GAB1: variants seen among roughly 807,000 people sequenced by gnomAD.
GAB1 encodes GRB2-associated-binding protein 1.
A neutral mutation model predicts 66.5 loss-of-function variants in GAB1; 19 were observed. That is an observed-to-expected ratio of 0.29 (90% CI 0.20 to 0.42). GAB1 has a LOEUF of 0.42. Ranked by LOEUF, GAB1 falls within the 10% of genes least tolerant of loss-of-function variation. The pLI, the probability that GAB1 is intolerant of heterozygous loss-of-function variation, is 1.00. For synonymous variants in GAB1, 294 were observed against 301.4 expected, an observed-to-expected ratio of 0.98 and a Z score of 0.25; for missense variants, 732 against 858.5, an observed-to-expected ratio of 0.85 and a Z score of 1.84.
intron 1 of GAB1, among the ~76,000 whole-genome samples, chr4:143,338,126 T>C (rs1024387031): frequency 2.6e-5 from 4 of 152,214 alleles, no homozygotes; most frequent in Non-Finnish European, 5.9e-5. Context: ...AGGAAAAATA[T>C]TCCTTGAAAG....
intron 1 of GAB1, among the ~76,000 whole-genome samples, chr4:143,407,107 G>T (rs1383076952): frequency 1.3e-5 from 2 of 152,084 alleles, no homozygotes; most frequent in African/African-American, 4.8e-5. Context: ...GTTAACAGGG[G>T]TCCTGTGAAA....
At chr4:143,341,448 C>T (rs1728820262) in intron 1 of GAB1, among the ~76,000 whole-genome samples, 2 of 152,212 alleles carry the variant, frequency 1.3e-5, no homozygotes, top group Non-Finnish European at 2.9e-5. Flanking sequence ...GAGGAGCTTC[C>T]TTGCCTGAAG....
At chr4:143,444,535 T>G (rs1367322483) in intron 6 of GAB1, among the ~76,000 whole-genome samples, 1 of 152,190 alleles carries the variant, frequency 6.6e-6, no homozygotes, top group Admixed American at 6.5e-5. Flanking sequence ...GCTCTAAACA[T>G]TTTTTCAAGA....
chr4:143,459,617 CA>C, intron 7 of GAB1, 139 bp downstream of exon 7: 1 of 656,224 alleles, frequency 1.5e-6, no homozygotes. Flanking sequence ...TCTGTGAAGT[CA>C]AAACCATTTT....
intron 1 of GAB1, among the ~76,000 whole-genome samples, chr4:143,411,191 A>G (rs1445976096): frequency 3.9e-5 from 6 of 152,084 alleles, no homozygotes; most frequent in African/African-American, 1.4e-4. Flanking sequence ...ACCCTGCCAG[A>G]GTTTGGGTTT....
At chr4:143,426,274 T>G (rs753538766) in intron 2 of GAB1, among the ~76,000 whole-genome samples, 7 of 152,206 alleles carry the variant, frequency 4.6e-5, no homozygotes, top group Non-Finnish European at 1.0e-4. Flanking sequence ...TAATTTCTTC[T>G]GACTTGACAC....
At chr4:143,447,796 T>C (rs568106397) in intron 6 of GAB1, among the ~76,000 whole-genome samples, 27 of 152,222 alleles carry the variant, frequency 1.8e-4, no homozygotes, top group African/African-American at 5.3e-4. Context: ...TCCTGCCTAA[T>C]TGCCCTGGCC....
Position 143,366,265 on chromosome 4 carries a change from G to A in GAB1, c.72+29005G>A, listed in dbSNP as rs1256895057. ...TTATCAAATTTATCTTTAGATAATA[G>A]AGAAAGCATATTTACATTCATTAAT... On this transcript the variant is annotated intron_variant, in intron 1 of 9. Coordinates refer to ENST00000262994, the MANE Select transcript of GAB1 (RefSeq NM_002039.4). Among the ~76,000 whole-genome samples the A allele has an allele frequency of 2.0e-5, 3 of 152,162 alleles. No individual in the cohort carries two copies. In the East Asian group the frequency reaches 5.8e-4, roughly 29 times the overall value.
At chr4:143,392,267 A>G (rs2149687930) in intron 1 of GAB1, among the ~76,000 whole-genome samples, 1 of 152,336 alleles carries the variant, frequency 6.6e-6, no homozygotes, top group Non-Finnish European at 1.5e-5. Context: ...TGGTAAAAAT[A>G]ATTAACAGTA....
chr4:143,423,762 C>T (rs1294220116), intron 2 of GAB1, among the ~76,000 whole-genome samples: 8 of 109,212 alleles, frequency 7.3e-5, no homozygotes, highest in South Asian at 3.3e-4. Flanking sequence ...GGCAACAAAG[C>T]GAGACTCCAT....
At chr4:143,353,459 A>G (rs2149650358) in intron 1 of GAB1, among the ~76,000 whole-genome samples, 1 of 152,338 alleles carries the variant, frequency 6.6e-6, no homozygotes, top group Non-Finnish European at 1.5e-5. Flanking sequence ...AGAGCAATAG[A>G]GACAGACTGA....
chr4:143,439,372 T>A (rs144103279), intron 4 of GAB1, among the ~76,000 whole-genome samples: 57 of 152,340 alleles, frequency 3.7e-4, no homozygotes, highest in Admixed American at 8.5e-4. Flanking sequence ...TTTTAATGTA[T>A]CTGTGATTAT....
intron 1 of GAB1, among the ~76,000 whole-genome samples, chr4:143,371,871 A>G (rs1356129050): frequency 6.6e-6 from 1 of 152,132 alleles, no homozygotes; most frequent in Non-Finnish European, 1.5e-5. Context: ...GATTTGTGGT[A>G]TTATTTCTGA....
At position 143,466,233 on chromosome 4, in the gene GAB1, A is replaced by G. The variant is rs1735778834; in HGVS notation, c.1926+8A>G. 6 of 1,612,814 alleles carry G rather than the reference A, an allele frequency of 3.7e-6. No individual in the cohort carries two copies. The highest frequency in any genetic ancestry group is 4.2e-6 in the Non-Finnish European group (5 of 1,179,114). On this transcript the variant is annotated splice_region_variant and intron_variant, in intron 9 of 9. Transcript: ENST00000262994. The stretch of plus-strand genomic sequence containing the variant: ...TCCACACCACCACGTAAGGTGAGTG[A>G]CATGTGACATGTCTCTTCTTTGTAT...
intron 6 of GAB1, among the ~76,000 whole-genome samples, chr4:143,448,155 G>A (rs1409188105): frequency 6.6e-6 from 1 of 151,778 alleles, no homozygotes; most frequent in African/African-American, 2.4e-5. Flanking sequence ...TGATCATGGT[G>A]GATAAGCTTT....
chr4:143,425,462 T>C, intron 2 of GAB1: 4 of 760,514 alleles, frequency 5.3e-6, no homozygotes, highest in Admixed American at 5.1e-5. Context: ...AGGCATCTTA[T>C]GTTAACCTAC....
intron 1 of GAB1, among the ~76,000 whole-genome samples, chr4:143,388,205 T>G (rs1208648284): frequency 1.3e-5 from 2 of 152,192 alleles, no homozygotes; most frequent in Non-Finnish European, 2.9e-5. Context: ...TTATAGTTAT[T>G]CCATGTATGT....
chr4:143,434,135 TAGA>T lies in GAB1; in HGVS notation c.593+423_593+425del, dbSNP rs1262305463. ...GAAGAAGGAGAGGAATACCTTCTAC[TAGA>T]AGATTTTGAAAGCAAAACGATTCCA... is the stretch of plus-strand genomic sequence containing the variant. On this transcript the variant is annotated intron_variant, in intron 3 of 9. Coordinates refer to ENST00000262994, the MANE Select transcript of GAB1 (RefSeq NM_002039.4). 3.9e-6 allele frequency: 5 copies of T among 1,290,804 alleles called. No individual in the cohort carries two copies. The Admixed American group carries it at 1.1e-4, about 30-fold the overall frequency. 80.0% of individuals were successfully genotyped at this position (1,290,804 alleles called of 1,614,324 possible). A position where few individuals can be genotyped will look rare whatever the true frequency, so the allele number is the denominator to read the frequency against.
chr4:143,419,733 A>G (rs1011932345), intron 2 of GAB1, among the ~76,000 whole-genome samples: 2 of 152,138 alleles, frequency 1.3e-5, no homozygotes, highest in Non-Finnish European at 2.9e-5. Flanking sequence ...TCTATGATTG[A>G]GATTTTTCAC....
Sources: gnomAD v4.1 joint callset for allele counts (sites outside exome capture counted in the v4.1 genomes callset) on GRCh38, gnomAD v4.1.1 for gene constraint, MANE v1.5 for transcripts, NCBI Gene and HGNC (gene_info 2026-07-23, HGNC 2026-07-21) for gene names.